BUD31: variants seen among roughly 807,000 people sequenced by gnomAD.
BUD31 encodes the protein BUD31 spliceosome associated protein, also known as protein BUD31 homolog.
Under a neutral mutation model 17.9 loss-of-function variants are expected in BUD31, and 9 were observed. The observed-to-expected ratio is 0.50, with a 90% confidence interval of 0.30 to 0.88. The LOEUF is 0.88. Among genes scored for constraint, BUD31 ranks in the 40% least tolerant of loss-of-function variants. The pLI is 0.06. For missense variants in BUD31, 148 were observed against 184.5 expected, an observed-to-expected ratio of 0.80 and a Z score of 1.15; for synonymous variants, 70 against 64.7, an observed-to-expected ratio of 1.08 and a Z score of -0.39.
intron 3 of BUD31, among the ~76,000 whole-genome samples, chr7:99,415,739 A>G (rs899591077): frequency 3.9e-5 from 6 of 152,332 alleles, no homozygotes; most frequent in Middle Eastern, 3.4e-3. Context: ...CTGTCCGGGC[A>G]TAACAGAAGG....
Position 99,410,082 on chromosome 7 carries a change from T to G in BUD31, c.-117T>G, listed in dbSNP as rs1232412061. 1 of 152,136 alleles carries G rather than the reference T, an allele frequency of 6.6e-6. No individual in the cohort carries two copies. Among genetic ancestry groups the G allele is most frequent in the Admixed American group, 6.5e-5 (1 of 15,272 alleles). 9.4% of individuals were successfully genotyped at this position (152,136 alleles called of 1,614,324 possible). A position where few individuals can be genotyped will look rare whatever the true frequency, so the allele number is the denominator to read the frequency against. ...GGTGACCTGAAAGTCACAGAATAAT[T>G]TTTTAGAGCTGAACAAGAATCCAAG... On this transcript the variant is annotated 5_prime_UTR_variant, in exon 2 of 6. It adds an upstream start codon to the 5' untranslated region. Transcript: ENST00000222969.
In BUD31 at chr7:99,416,318, C is replaced by G. The variant is rs998805722; in HGVS notation, c.217+58C>G. 4 of 1,579,132 alleles carry G rather than the reference C, an allele frequency of 2.5e-6. No homozygotes were observed. In the African/African-American group the frequency reaches 4.0e-5, roughly 16 times the overall value. ...TCGCGTCACTTTTGGAGTTACTGAA[C>G]TAACCACAATCCTTATTCTCGCAAC... On this transcript the variant is annotated intron_variant, in intron 4 of 5. Transcript: ENST00000222969.
chr7:99,415,175 C>T (rs567921061), intron 3 of BUD31: 20 of 451,354 alleles, frequency 4.4e-5, no homozygotes, highest in Admixed American at 1.2e-4. Context: ...ACGCGGAGAC[C>T]GGTAGTGGCC....
At chr7:99,414,497 T>A (rs1795311127) in intron 3 of BUD31, among the ~76,000 whole-genome samples, 2 of 152,172 alleles carry the variant, frequency 1.3e-5, no homozygotes, top group Non-Finnish European at 2.9e-5. Context: ...AATTAAGGGG[T>A]TTTTAGTATA....
intron 3 of BUD31, chr7:99,411,674 T>G (rs1795190397): frequency 2.2e-6 from 1 of 455,876 alleles, no homozygotes; most frequent in African/African-American, 2.0e-5. Context: ...TGGCCTTATA[T>G]GATCACAGTG....
intron 5 of BUD31, chr7:99,419,020 C>G (rs565773828): frequency 3.7e-6 from 1 of 273,252 alleles, no homozygotes; most frequent in South Asian, 3.7e-5. Flanking sequence ...TGTACCAGCC[C>G]AGAGGCCCCC....
At chr7:99,411,017 C>A in intron 2 of BUD31, 47 bp from the exon 3 acceptor site, 1 of 1,279,108 alleles carries the variant, frequency 7.8e-7, no homozygotes, top group Non-Finnish European at 1.1e-6. Flanking sequence ...CTGGCAAAGG[C>A]CTTTGGGGAT....
chr7:99,418,678 G>A (rs1341481796), intron 5 of BUD31: 1 of 152,514 alleles, frequency 6.6e-6, no homozygotes, highest in Non-Finnish European at 1.5e-5. Context: ...AGTGGCAGAA[G>A]CCCCCTTCCT....
chr7:99,411,622 A>T (rs754667926), intron 3 of BUD31: 19 of 450,262 alleles, frequency 4.2e-5, no homozygotes, highest in Non-Finnish European at 7.1e-5. Flanking sequence ...CCCGTGTCCT[A>T]TGCTGTCTTT....
At chr7:99,417,915 G>T in intron 5 of BUD31, 2 of 1,299,698 alleles carry the variant, frequency 1.5e-6, no homozygotes, top group Non-Finnish European at 2.0e-6. Context: ...AGGACAACCA[G>T]TGAGTTCCTG....
At chr7:99,419,224 A>G (rs1795682955) in intron 5 of BUD31, 167 bp from the exon 6 acceptor site, 1 of 695,790 alleles carries the variant, frequency 1.4e-6, no homozygotes, top group Admixed American at 2.4e-5. Flanking sequence ...TTCTACCTTC[A>G]TGAGGGAGCC....
At chr7:99,418,167 A>G (rs1043395448) in intron 5 of BUD31, 5 of 217,694 alleles carry the variant, frequency 2.3e-5, no homozygotes, top group Admixed American at 5.5e-5. Flanking sequence ...GGGTTTCTCA[A>G]TGTTGCTCAG....
intron 3 of BUD31, among the ~76,000 whole-genome samples, chr7:99,413,707 T>G (rs949786472): frequency 6.6e-6 from 1 of 152,172 alleles, no homozygotes; most frequent in African/African-American, 2.4e-5. Flanking sequence ...TTCTCGTGCC[T>G]CAGCCTCCCG....
intron 2 of BUD31, among the ~76,000 whole-genome samples, 197 bp downstream of exon 2, chr7:99,410,366 C>T (rs1177404906): frequency 1.3e-5 from 2 of 151,432 alleles, no homozygotes; most frequent in Admixed American, 6.6e-5. Flanking sequence ...CCACAGGCAC[C>T]CACCACCATG....
At chr7:99,413,588 T>G (rs776743697) in intron 3 of BUD31, among the ~76,000 whole-genome samples, 8 of 152,076 alleles carry the variant, frequency 5.3e-5, no homozygotes, top group Non-Finnish European at 1.2e-4. Flanking sequence ...GGCTTTTTTT[T>G]GTTTGTTTTG....
At chr7:99,413,094 G>T (rs973491554) in intron 3 of BUD31, among the ~76,000 whole-genome samples, 2 of 152,032 alleles carry the variant, frequency 1.3e-5, no homozygotes, top group East Asian at 3.9e-4. Context: ...AGCAAGTCAC[G>T]TCTTAACATG....
intron 4 of BUD31, 136 bp from the exon 5 acceptor site, chr7:99,417,293 T>G: frequency 1.3e-6 from 1 of 799,930 alleles, no homozygotes; most frequent in Non-Finnish European, 2.0e-6. Context: ...CCTCAGGTGA[T>G]CCGCCTGCCT....
In BUD31 at chr7:99,419,553, T is replaced by C. The variant is rs1330735771; in HGVS notation, c.*112T>C. ...CAGGCCCGAGTTGGAGCACGGTCTC[T>C]ATGGGGAAGGCTTCGCTGTCTATCA... On this transcript the variant is annotated 3_prime_UTR_variant, in exon 6 of 6. Transcript: ENST00000222969. 11 of 1,247,726 alleles carry C rather than the reference T, an allele frequency of 8.8e-6. No homozygotes were observed. Among genetic ancestry groups the C allele is most frequent in the East Asian group, 2.3e-5 (1 of 42,882 alleles). The allele number at this position is 1,247,726 out of a possible 1,614,324, so 77.3% of individuals were successfully genotyped here.
At chr7:99,410,721 T>C (rs1219276128) in intron 2 of BUD31, among the ~76,000 whole-genome samples, 2 of 152,214 alleles carry the variant, frequency 1.3e-5, no homozygotes, top group African/African-American at 4.8e-5. Context: ...AGCTTTTAGT[T>C]GAAGTTAGCT....
Sources: allele counts gnomAD v4.1 joint callset (sites outside exome capture counted in the v4.1 genomes callset), GRCh38; gene constraint gnomAD v4.1.1; transcripts MANE v1.5; gene names NCBI Gene and HGNC (gene_info 2026-07-23, HGNC 2026-07-21).